Variants in ARHGAP10 observed in about 807,000 individuals in gnomAD.
ARHGAP10 encodes rho GTPase-activating protein 10.
ARHGAP10 carries 87 observed loss-of-function variants against 108.6 expected under a neutral mutation model. The observed-to-expected ratio is 0.80, with a 90% CI of 0.67 to 0.96. The LOEUF (loss-of-function observed/expected upper bound fraction) is 0.96, where lower values mean the gene tolerates loss of function less well. ARHGAP10 is among the 40% of genes least tolerant of loss of function. ARHGAP10 has a pLI of 0.00. For synonymous variants in ARHGAP10, 347 were observed against 341.1 expected, an observed-to-expected ratio of 1.02 and a Z score of -0.19; for missense variants, 939 against 954.5, an observed-to-expected ratio of 0.98 and a Z score of 0.21.
rs59933316 is a variant in ARHGAP10 at position 147,837,643 on chromosome 4, G to GTTTTTTTTTTTTTTTTTTTTTT, written c.313-9489_313-9488insTTTTTTTTTTTTTTTTTTTTTT. Among the ~76,000 whole-genome samples the GTTTTTTTTTTTTTTTTTTTTTT allele has an allele frequency of 1.0e-3, 73 of 70,222 alleles. 8 individuals carry two copies. Among genetic ancestry groups the GTTTTTTTTTTTTTTTTTTTTTT allele is most frequent in the East Asian group, 1.6e-3 (3 of 1,822 alleles). 46.1% of individuals were successfully genotyped at this position (70,222 alleles called of 152,430 possible). On this transcript the variant is annotated intron_variant, in intron 3 of 22. Transcript: ENST00000336498. ...CACCTCGCTAGAATCTCTGGTCACT[G>GTTTTTTTTTTTTTTTTTTTTTT]TTTTTTTTTTTTTTTTTTTAAAGCA...
At chr4:147,892,044 C>T (rs1243660691) in intron 10 of ARHGAP10, among the ~76,000 whole-genome samples, 1 of 152,216 alleles carries the variant, frequency 6.6e-6, no homozygotes. Flanking sequence ...AAAGAAAATG[C>T]TTCCCGTTTT....
rs373092719 is a variant in ARHGAP10, at chr4:147,857,677, T to TA, written c.486+24dup. On this transcript the variant is annotated intron_variant, in intron 5 of 22. Coordinates refer to ENST00000336498, the MANE Select transcript of ARHGAP10 (RefSeq NM_024605.4). Reference sequence around the variant, plus strand: ...GAGGTATAATTTTTTATTTTTCTGTTACGTTTTCAAAATTTGATAAGCAAT... The same window carrying TA: ...GAGGTATAATTTTTTATTTTTCTGTTAACGTTTTCAAAATTTGATAAGCAAT... 168 of 1,419,822 alleles carry TA rather than the reference T, an allele frequency of 1.2e-4. No homozygotes were observed. In the African/African-American group the frequency reaches 2.4e-3, roughly 20 times the overall value. The allele number at this position is 1,419,822 out of a possible 1,614,324, so 88.0% of individuals were successfully genotyped here.
intron 15 of ARHGAP10, 109 bp from the exon 16 acceptor site, chr4:147,955,207 T>C: frequency 2.8e-6 from 3 of 1,063,638 alleles, no homozygotes; most frequent in Non-Finnish European, 4.2e-6. Context: ...AGGGAAGTTT[T>C]ACACATTAAT....
intron 3 of ARHGAP10, among the ~76,000 whole-genome samples, chr4:147,836,315 A>C (rs17613895): frequency 0.072 from 11,037 of 152,246 alleles, 551 homozygotes; most frequent in Middle Eastern, 0.12. Context: ...AGTTGTCAGA[A>C]TTTCAGCCTT....
chr4:148,026,179 C>T (rs1200684437), intron 19 of ARHGAP10, among the ~76,000 whole-genome samples: 1 of 152,138 alleles, frequency 6.6e-6, no homozygotes. Context: ...ATTTCTTCTT[C>T]TGCACTGAGT....
At chr4:147,765,338 G>GTGTGGGGGGGGGGTGTGTGT (rs1553947366) in intron 1 of ARHGAP10, among the ~76,000 whole-genome samples, 5 of 80,854 alleles carry the variant, frequency 6.2e-5, no homozygotes. Flanking sequence ...GTGTGTGTGT[G>GTGTGGGGGGGGGGTGTGTGT]GGGGGGGGGG....
chr4:147,812,349 T>C (rs767596650), intron 1 of ARHGAP10, among the ~76,000 whole-genome samples: 1 of 152,178 alleles, frequency 6.6e-6, no homozygotes, highest in Middle Eastern at 3.2e-3. Context: ...CGTGTCAGTA[T>C]GCTCTAGGGT....
chr4:147,960,542 G>A (rs1026764685), intron 16 of ARHGAP10, among the ~76,000 whole-genome samples: 1 of 152,072 alleles, frequency 6.6e-6, no homozygotes, highest in Non-Finnish European at 1.5e-5. Context: ...AAAAAAGGAA[G>A]GAAAACTCTG....
chr4:148,039,869 A>C (rs1215122334), intron 19 of ARHGAP10, among the ~76,000 whole-genome samples: 2 of 152,066 alleles, frequency 1.3e-5, no homozygotes, highest in Non-Finnish European at 2.9e-5. Context: ...TCCTCCTCTG[A>C]ATTTGTTTCT....
intron 10 of ARHGAP10, among the ~76,000 whole-genome samples, chr4:147,904,080 A>T (rs1472003384): frequency 6.6e-6 from 1 of 152,172 alleles, no homozygotes. Context: ...ACCAGCAATG[A>T]ATAAGAGTTC....
At position 148,031,125 on chromosome 4, in the gene ARHGAP10, C is replaced by T. The variant is rs955077197; in HGVS notation, c.1867+7712C>T. ...TGGATCTACTAATAGTCTTTAAAAT[C>T]AGCAGCACAAGTTTTTGAGCATGAA... On this transcript the variant is annotated intron_variant, in intron 19 of 22. Coordinates refer to ENST00000336498, the MANE Select transcript of ARHGAP10 (RefSeq NM_024605.4). 3.9e-5 allele frequency among the ~76,000 whole-genome samples: 6 copies of T among 152,138 alleles called. No individual in the cohort carries two copies. The South Asian group carries it at 1.2e-3, about 32-fold the overall frequency.
intron 1 of ARHGAP10, among the ~76,000 whole-genome samples, chr4:147,768,631 A>G (rs1720282013): frequency 6.6e-6 from 1 of 152,190 alleles, no homozygotes; most frequent in African/African-American, 2.4e-5. Flanking sequence ...GTCCTTTTAA[A>G]GTAGAAATGG....
intron 3 of ARHGAP10, among the ~76,000 whole-genome samples, chr4:147,824,768 C>T (rs1732638029): frequency 6.6e-6 from 1 of 152,172 alleles, no homozygotes; most frequent in Non-Finnish European, 1.5e-5. Flanking sequence ...ATTACCTCCA[C>T]CTGGTCCTGC....
chr4:147,819,197 A>G (rs1732383231), intron 1 of ARHGAP10, among the ~76,000 whole-genome samples: 1 of 152,232 alleles, frequency 6.6e-6, no homozygotes, highest in Non-Finnish European at 1.5e-5. Context: ...CATATGAAAC[A>G]CCATCTTTAA....
chr4:147,989,554 C>A (rs540756500), intron 18 of ARHGAP10, among the ~76,000 whole-genome samples: 1 of 152,138 alleles, frequency 6.6e-6, no homozygotes, highest in Non-Finnish European at 1.5e-5. Context: ...TTCTCAGGGA[C>A]GTTCCATGCT....
At chr4:147,888,214 GA>G (rs1456893017) in intron 10 of ARHGAP10, among the ~76,000 whole-genome samples, 2 of 152,102 alleles carry the variant, frequency 1.3e-5, no homozygotes, top group African/African-American at 4.8e-5. Flanking sequence ...ACTTTTTTAT[GA>G]CCTTGTCCAG....
chr4:147,832,912 G>A (rs1024820843), intron 3 of ARHGAP10, among the ~76,000 whole-genome samples: 10 of 152,040 alleles, frequency 6.6e-5, no homozygotes, highest in Admixed American at 6.6e-4. Flanking sequence ...TTACTCTTTG[G>A]ACAACTGTAG....
chr4:148,049,943 C>T (rs1448220379), intron 20 of ARHGAP10, among the ~76,000 whole-genome samples: 3 of 151,976 alleles, frequency 2.0e-5, no homozygotes, highest in Admixed American at 6.5e-5. Context: ...TCTCGGCTCA[C>T]TGCAACCTCC....
At chr4:147,916,803 G>A (rs1466628831) in intron 13 of ARHGAP10, 2 of 152,364 alleles carry the variant, frequency 1.3e-5, no homozygotes, top group East Asian at 3.9e-4. Context: ...TGCCTGAGAG[G>A]AGCTCTTTTC....
Sources: gnomAD v4.1 joint callset for allele counts (sites outside exome capture counted in the v4.1 genomes callset) on GRCh38, gnomAD v4.1.1 for gene constraint, MANE v1.5 for transcripts, NCBI Gene and HGNC (gene_info 2026-07-23, HGNC 2026-07-21) for gene names.